The following RBFOX3 variants were observed in gnomAD, a reference collection of about 807,000 sequenced individuals.
RBFOX3 encodes RNA binding fox-1 homolog 3.
RBFOX3 carries 17 observed loss-of-function variants against 48.7 expected under a neutral mutation model. The ratio of observed to expected loss-of-function variants is 0.35; its 90% confidence interval spans 0.24 to 0.52. The LOEUF is 0.52. RBFOX3 is among the 20% of genes least tolerant of loss of function. The pLI, the probability that RBFOX3 is intolerant of heterozygous loss-of-function variation, is 0.94. For missense variants in RBFOX3, 382 were observed against 497.5 expected (o/e 0.77, Z 2.21); for synonymous variants, 212 against 209.5 (o/e 1.01, Z -0.10).
At chr17:79,313,673 A>G (rs779363513) in intron 2 of RBFOX3, among the ~76,000 whole-genome samples, 13 of 152,204 alleles carry the variant, frequency 8.5e-5, no homozygotes, top group Admixed American at 2.0e-4. Context: ...CGTCATGGGT[A>G]CCCCTTGCTC....
intron 3 of RBFOX3, among the ~76,000 whole-genome samples, chr17:79,296,930 C>T (rs1226424256): frequency 7.2e-6 from 1 of 139,352 alleles, no homozygotes. Context: ...CTCTCTCCTC[C>T]CCCTCTCCCT....
intron 2 of RBFOX3, among the ~76,000 whole-genome samples, chr17:79,325,798 G>T (rs1399798407): frequency 6.6e-6 from 1 of 152,084 alleles, no homozygotes; most frequent in Non-Finnish European, 1.5e-5. Flanking sequence ...CATTCCTGAC[G>T]GCTGGACTGC....
intron 4 of RBFOX3, among the ~76,000 whole-genome samples, chr17:79,158,447 CA>C (rs1434431921): frequency 3.9e-5 from 6 of 152,300 alleles, no homozygotes; most frequent in African/African-American, 1.4e-4. Context: ...GCAGGCTGAG[CA>C]GGGGCACTGC....
At position 79,480,989 on chromosome 17, in the gene RBFOX3, G is replaced by C. The variant is rs2078697239; in HGVS notation, c.-175+1465C>G. On this transcript the variant is annotated intron_variant, in intron 2 of 14. Transcript: ENST00000693108. This position sits in a 1 kb window ranked among gnomAD's most constrained non-coding sequence, Gnocchi z 4.8. ...TCAAGGTTGTGGAATGAACAATGTA[G>C]GGCAGTCTGGATGGATGAGCTACGG... Among the ~76,000 whole-genome samples the C allele has an allele frequency of 6.6e-6, 1 of 152,176 alleles. No homozygotes were observed. The highest frequency in any genetic ancestry group is 1.5e-5 in the Non-Finnish European group (1 of 68,024).
rs983208695 is a variant in RBFOX3 at position 79,199,991 on chromosome 17, T to C, written c.-34+35775A>G. 6.6e-6 allele frequency among the ~76,000 whole-genome samples: 1 copy of C among 151,970 alleles called. No homozygotes were observed. Among genetic ancestry groups the C allele is most frequent in the Non-Finnish European group, 1.5e-5 (1 of 67,978 alleles). ...GCCTGGCCAACATGGTGAAACTCCG[T>C]CTCTACCAAAAGTACAAAAAAATTA... On this transcript the variant is annotated intron_variant, in intron 4 of 14. Coordinates refer to ENST00000693108, the MANE Select transcript of RBFOX3 (RefSeq NM_001350451.2). This position sits in a 1 kb window ranked among gnomAD's most constrained non-coding sequence, Gnocchi z 5.1.
chr17:79,553,583 A>T (rs1400961769), intron 1 of RBFOX3, among the ~76,000 whole-genome samples: 1 of 152,232 alleles, frequency 6.6e-6, no homozygotes, highest in Non-Finnish European at 1.5e-5. Flanking sequence ...CCCCTGTGGA[A>T]CCATTCAGAC....
At chr17:79,397,198 G>A (rs1458876236) in intron 2 of RBFOX3, among the ~76,000 whole-genome samples, 4 of 152,122 alleles carry the variant, frequency 2.6e-5, no homozygotes, top group African/African-American at 4.8e-5. Context: ...TTTAAGAAGC[G>A]TGGGCTGGGC....
chr17:79,288,977 G>A (rs1025828518), intron 3 of RBFOX3, among the ~76,000 whole-genome samples: 2 of 152,166 alleles, frequency 1.3e-5, no homozygotes, highest in Non-Finnish European at 2.9e-5. Flanking sequence ...GGGAATGAGG[G>A]GGTGAGCCCC....
intron 14 of RBFOX3, among the ~76,000 whole-genome samples, chr17:79,093,227 C>T (rs561103961): frequency 1.3e-5 from 2 of 152,302 alleles, no homozygotes; most frequent in Non-Finnish European, 2.9e-5. Flanking sequence ...CCAGCTCTCC[C>T]ATGTCCTGGG....
intron 2 of RBFOX3, among the ~76,000 whole-genome samples, chr17:79,320,340 G>T (rs1431238315): frequency 6.6e-6 from 1 of 152,196 alleles, no homozygotes; most frequent in Non-Finnish European, 1.5e-5. Flanking sequence ...CCCTACCAGT[G>T]CTGGCAGCCT....
intron 14 of RBFOX3, 84 bp from the exon 15 acceptor site, chr17:79,090,969 G>A (rs1188578092): frequency 4.2e-6 from 6 of 1,429,004 alleles, no homozygotes; most frequent in South Asian, 1.3e-5. Context: ...ACGTGGCACG[G>A]GGCCCCTGGC....
intron 4 of RBFOX3, among the ~76,000 whole-genome samples, chr17:79,124,548 T>C (rs1380337183): frequency 1.3e-5 from 2 of 152,088 alleles, no homozygotes; most frequent in Non-Finnish European, 2.9e-5. Context: ...GGCTGGAAGG[T>C]GGTGAGCTCC....
intron 1 of RBFOX3, among the ~76,000 whole-genome samples, chr17:79,533,671 G>A (rs1284121610): frequency 6.6e-6 from 1 of 152,362 alleles, no homozygotes; most frequent in Middle Eastern, 3.4e-3. Flanking sequence ...GAGCCCAGGG[G>A]CTGGTCATGG....
intron 1 of RBFOX3, among the ~76,000 whole-genome samples, chr17:79,555,655 GTGGTGGTGATGGTGATGATAGTCATGA>G (rs2091664283): frequency 7.4e-4 from 14 of 18,986 alleles, no homozygotes; most frequent in African/African-American, 1.6e-3. Flanking sequence ...GGTGGTGGTG[GTGGTGGTGATGGTGATGATAGTCATGA>G]TGGTGGTGAT....
intron 3 of RBFOX3, among the ~76,000 whole-genome samples, chr17:79,269,176 T>G (rs181275365): frequency 2.0e-5 from 3 of 152,250 alleles, no homozygotes; most frequent in Admixed American, 2.0e-4. Flanking sequence ...GAGGCAGAGA[T>G]TGCAGTGATG....
intron 3 of RBFOX3, among the ~76,000 whole-genome samples, chr17:79,280,574 G>C (rs1021738063): frequency 6.6e-6 from 1 of 152,226 alleles, no homozygotes; most frequent in Non-Finnish European, 1.5e-5. Flanking sequence ...TTCGGAGTGA[G>C]CTCAGGTTCC....
At chr17:79,619,818 G>A in the RBFOX3 span, among the ~76,000 whole-genome samples, 1 of 152,106 alleles carries the variant, frequency 6.6e-6, no homozygotes, top group Non-Finnish European at 1.5e-5. Context: ...CCAGCCCTGG[G>A]GGAGCCTCCT....
chr17:79,528,195 G>T, intron 1 of RBFOX3, among the ~76,000 whole-genome samples: 1 of 152,192 alleles, frequency 6.6e-6, no homozygotes, highest in Admixed American at 6.5e-5. Flanking sequence ...AGGTATCTCT[G>T]AGGAGGATCT....
At chr17:79,323,826 C>G (rs899057811) in intron 2 of RBFOX3, among the ~76,000 whole-genome samples, 8 of 152,242 alleles carry the variant, frequency 5.3e-5, no homozygotes, top group African/African-American at 1.9e-4. Flanking sequence ...GGTTCATTAC[C>G]ATGCAGATCC....
Sources: allele counts gnomAD v4.1 joint callset (sites outside exome capture counted in the v4.1 genomes callset), GRCh38; gene constraint gnomAD v4.1.1; non-coding constraint Gnocchi (gnomAD v3.1); transcripts MANE v1.5; gene names NCBI Gene and HGNC (gene_info 2026-07-23, HGNC 2026-07-21).